The following HSPG2 variants were observed in gnomAD, a reference collection of about 807,000 sequenced individuals.
HSPG2 encodes the protein basement membrane-specific heparan sulfate proteoglycan core protein.
In HSPG2, 278 loss-of-function variants were observed where a neutral mutation model predicts 526.6. The observed-to-expected ratio is 0.53, with a 90% confidence interval of 0.48 to 0.58. The LOEUF is 0.58. Among genes scored for constraint, HSPG2 ranks in the 20% least tolerant of loss-of-function variants. The probability of loss-of-function intolerance (pLI) is 0.00; values close to 1 mark genes in which losing one functional copy is unlikely to be tolerated. For missense variants in HSPG2, 5,354 were observed against 6,099.5 expected (o/e 0.88, Z 4.07); for synonymous variants, 2,465 against 2,555.4 (o/e 0.96, Z 1.07).
chr1:21,829,631 C>T, intron 86 of HSPG2, 27 bp from the exon 87 acceptor site: 1 of 1,582,908 alleles, frequency 6.3e-7, no homozygotes, highest in Non-Finnish European at 8.6e-7. Context: ...TCAGCTGAGG[C>T]AGTGGGGATC....
chr1:21,862,606 C>CA, intron 37 of HSPG2, among the ~76,000 whole-genome samples: 1 of 132,094 alleles, frequency 7.6e-6, no homozygotes, highest in African/African-American at 2.7e-5. Context: ...AAGAAAAAAG[C>CA]AAAAAAAGCT....
At position 21,878,589 on chromosome 1, in the gene HSPG2, C is replaced by A. The variant is rs749841200; in HGVS notation, c.2546G>T (p.Arg849Leu). The change falls in exon 19 of 97, where the codon CGC becomes CTC. Residue 849 changes from arginine to leucine, a missense_variant. Physicochemically the swap from Arg to Leu is moderately radical, Grantham distance 102. Coordinates refer to ENST00000374695, the MANE Select transcript of HSPG2 (RefSeq NM_005529.7). ...CDACAPGYTG[R>L]RCESCAPGYE... Reference sequence around the variant, plus strand: ...GGCTCTCCCTCACCTCTCACAGCGGCGGCCAGTGTAGCCTGGGGCACAGGC... The same window carrying A: ...GGCTCTCCCTCACCTCTCACAGCGGAGGCCAGTGTAGCCTGGGGCACAGGC... The A allele has an allele frequency of 9.9e-6, 16 of 1,614,150 alleles. No homozygotes were observed. Among genetic ancestry groups the A allele is most frequent in the Non-Finnish European group, 1.3e-5 (15 of 1,180,024 alleles).
rs1003442672 is a variant in HSPG2, at chr1:21,873,082, T to C, written c.3803A>G (p.Gln1268Arg). 2 of 1,600,828 alleles carry C rather than the reference T, an allele frequency of 1.2e-6. No individual in the cohort carries two copies. The highest frequency in any genetic ancestry group is 1.7e-6 in the Non-Finnish European group (2 of 1,179,786). Residue 1268 changes from glutamine to arginine, a missense_variant, in exon 31 of 97, where the codon CAG (glutamine) becomes CGG (arginine). Coordinates refer to ENST00000374695, the MANE Select transcript of HSPG2 (RefSeq NM_005529.7). ...SQGQPCQRDS[Q>R]VPGPIGCNCD... ...GTTGCAGCCTATGGGCCCTGGCACC[T>C]GGCTGTCTCCTGAGGTGGAAGAAAG...
intron 33 of HSPG2, among the ~76,000 whole-genome samples, chr1:21,871,809 TG>T (rs1289330155): frequency 6.6e-6 from 1 of 152,228 alleles, no homozygotes; most frequent in Non-Finnish European, 1.5e-5. Flanking sequence ...GCCAGCAGTG[TG>T]GATGAGTGAA....
chr1:21,927,648 G>T (rs1644240626), intron 1 of HSPG2, among the ~76,000 whole-genome samples: 2 of 152,154 alleles, frequency 1.3e-5, no homozygotes, highest in Admixed American at 1.3e-4. Context: ...TCTGGGAAGG[G>T]GACAAGGCGT....
At chr1:21,880,941 G>GGCACACAGTAAGTCTCAGGT in intron 14 of HSPG2, 106 bp from the exon 15 acceptor site, 1 of 1,158,840 alleles carries the variant, frequency 8.6e-7, no homozygotes, top group Non-Finnish European at 1.3e-6. Context: ...CTGCCTACCT[G>GGCACACAGTAAGTCTCAGGT]AGACTTACTG....
Position 21,890,132 on chromosome 1 carries a change from A to G in HSPG2, c.423T>C (p.Asp141=). ...VVSVVFIKEL[D]GWVFVELDVG... ...CATCCAGCTCCACAAAAACCCAGCC[A>G]TCCAGCTCCCTGGGGATGGAGACAG... Residue 141 remains aspartate, a synonymous_variant, in exon 6 of 97, where the codon GAT becomes GAC. Transcript: ENST00000374695. This position sits in a 1 kb window ranked among gnomAD's most constrained non-coding sequence, Gnocchi z 4.1. 1 of 1,614,008 alleles carries G rather than the reference A, an allele frequency of 6.2e-7. No homozygotes were observed. Among genetic ancestry groups the G allele is most frequent in the Non-Finnish European group, 8.5e-7 (1 of 1,179,950 alleles).
At chr1:21,870,820 C>G (rs1467565387) in intron 33 of HSPG2, 2 of 986,244 alleles carry the variant, frequency 2.0e-6, no homozygotes, top group Non-Finnish European at 2.4e-6. Context: ...ACACCACGCA[C>G]GTCCTGGGCC....
Position 21,890,929 on chromosome 1 carries a change from C to A in HSPG2, c.245-235G>T, listed in dbSNP as rs955017430. The stretch of plus-strand genomic sequence containing the variant: ...TAACTAACAGGGGAAATGGCCTGAT[C>A]CAGAAACCAAGTGCTAGTGCAAAAG... On this transcript the variant is annotated intron_variant, in intron 3 of 96. Coordinates refer to ENST00000374695, the MANE Select transcript of HSPG2 (RefSeq NM_005529.7). The surrounding 1 kb of genome is among the most constrained non-coding windows in gnomAD (Gnocchi z 4.1). 6.6e-6 allele frequency among the ~76,000 whole-genome samples: 1 copy of A among 152,196 alleles called. No individual in the cohort carries two copies. Among genetic ancestry groups the A allele is most frequent in the Non-Finnish European group, 1.5e-5 (1 of 68,040 alleles).
chr1:21,859,952 G>A lies in HSPG2; in HGVS notation c.5065C>T (p.Pro1689Ser), dbSNP rs749768401. ...VEVHPARSIV[P>S]QGGSHSLRCQ... The stretch of plus-strand genomic sequence containing the variant: ...CGCAGGGAGTGGGAGCCACCTTGGG[G>A]CACTATGCTTCGAGCAGGATGGACC... The change falls in exon 41 of 97, where the codon CCC (proline) becomes TCC (serine). Residue 1689 changes from proline (P) to serine (S), a missense_variant. Physicochemically the swap from Pro to Ser is moderately conservative, Grantham distance 74. Coordinates refer to ENST00000374695, the MANE Select transcript of HSPG2 (RefSeq NM_005529.7). The surrounding 1 kb of genome is among the most constrained non-coding windows in gnomAD (Gnocchi z 5.3). 13 of 1,610,722 alleles carry A rather than the reference G, an allele frequency of 8.1e-6. No individual in the cohort carries two copies. Among genetic ancestry groups the A allele is most frequent in the Non-Finnish European group, 1.1e-5 (13 of 1,179,468 alleles).
chr1:21,873,314 C>G, intron 30 of HSPG2, 61 bp downstream of exon 30: 1 of 1,581,582 alleles, frequency 6.3e-7, no homozygotes, highest in Non-Finnish European at 8.7e-7. Context: ...GGCTTCTGTC[C>G]TAGCTCCGCC....
At position 21,828,979 on chromosome 1, in the gene HSPG2, A is replaced by G. The variant is rs1355798934; in HGVS notation, c.12093T>C (p.Gly4031=). The change falls in exon 88 of 97, where the codon GGT becomes GGC. Residue 4031 remains glycine (G), a synonymous_variant. Coordinates refer to ENST00000374695, the MANE Select transcript of HSPG2 (RefSeq NM_005529.7). The surrounding 1 kb of genome is among the most constrained non-coding windows in gnomAD (Gnocchi z 6.0). The part of the protein sequence containing the change: ...LNKDGSLRVN[G]GRPVLRSSPG... ...GCGAGGAGCGCAGCACAGGGCGTCC[A>G]CCATTCACCCGCAGGCTGCCGTCCT... 6.3e-7 allele frequency: 1 copy of G among 1,575,636 alleles called. No homozygotes were observed. Among genetic ancestry groups the G allele is most frequent in the South Asian group, 1.2e-5 (1 of 85,840 alleles).
At position 21,824,817 on chromosome 1, in the gene HSPG2, T is replaced by G. The variant is rs55656321; in HGVS notation, c.12590-38A>C. 7,555 of 1,570,898 alleles carry G rather than the reference T, an allele frequency of 4.8e-3. 58 individuals are homozygous for G. The highest frequency in any genetic ancestry group is 8.5e-3 in the African/African-American group (631 of 74,078). ...GGAGGGTGGTGCCATACCTGCTGCA[T>G]CAGGCATCAAAATCCCCCGTCAGTT... On this transcript the variant is annotated intron_variant, in intron 91 of 96. Transcript: ENST00000374695. This position sits in a 1 kb window ranked among gnomAD's most constrained non-coding sequence, Gnocchi z 5.9.
At chr1:21,888,125 C>T in intron 6 of HSPG2, 59 bp from the exon 7 acceptor site, 1 of 1,607,082 alleles carries the variant, frequency 6.2e-7, no homozygotes, top group South Asian at 1.1e-5. Flanking sequence ...GTGCGGGAAG[C>T]TGTAGGTGCT....
intron 9 of HSPG2, among the ~76,000 whole-genome samples, chr1:21,886,905 G>C (rs1359978085): frequency 6.6e-6 from 1 of 152,126 alleles, no homozygotes; most frequent in East Asian, 1.9e-4. Context: ...AAAACAAAGA[G>C]AAGCTTCATG....
rs1239433395 is a variant in HSPG2 at position 21,824,886 on chromosome 1, T to G, written c.12590-107A>C. The G allele has an allele frequency of 6.6e-6, 7 of 1,055,128 alleles. No individual in the cohort carries two copies. The highest frequency in any genetic ancestry group is 8.6e-6 in the Non-Finnish European group (6 of 697,694). 65.4% of individuals were successfully genotyped at this position (1,055,128 alleles called of 1,614,324 possible). ...ACGCCAACATGCAGGACTAGGGGGCTCCGAGCCTGCAGTCCCTGGGGACCC... is the reference window on the plus strand; with the variant it reads ...ACGCCAACATGCAGGACTAGGGGGCGCCGAGCCTGCAGTCCCTGGGGACCC... On this transcript the variant is annotated intron_variant, in intron 91 of 96. Transcript: ENST00000374695. This position sits in a 1 kb window ranked among gnomAD's most constrained non-coding sequence, Gnocchi z 5.9.
intron 1 of HSPG2, among the ~76,000 whole-genome samples, chr1:21,910,869 G>C (rs970024577): frequency 2.4e-4 from 37 of 152,134 alleles, no homozygotes; most frequent in Admixed American, 2.4e-3. Flanking sequence ...GTCCCAAGAG[G>C]TCGGTACCAT....
intron 50 of HSPG2, 35 bp downstream of exon 50, chr1:21,854,158 G>T: frequency 1.3e-6 from 2 of 1,544,574 alleles, no homozygotes; most frequent in Non-Finnish European, 8.8e-7. Context: ...AGCTCCTAGG[G>T]CTCAGCCCCG....
intron 1 of HSPG2, among the ~76,000 whole-genome samples, chr1:21,932,264 G>A (rs1644368869): frequency 6.6e-6 from 1 of 152,102 alleles, no homozygotes; most frequent in Admixed American, 6.6e-5. Flanking sequence ...GACTGCCCAC[G>A]ACAAGCACAT....
Sources: allele counts gnomAD v4.1 joint callset (sites outside exome capture counted in the v4.1 genomes callset), GRCh38; gene constraint gnomAD v4.1.1; non-coding constraint Gnocchi (gnomAD v3.1); transcripts MANE v1.5; gene names NCBI Gene and HGNC (gene_info 2026-07-23, HGNC 2026-07-21).